Variants in SGCD observed in about 807,000 individuals in gnomAD.
SGCD encodes delta-sarcoglycan.
A neutral mutation model predicts 36.6 loss-of-function variants in SGCD; 18 were observed. That is an observed-to-expected ratio of 0.49 (90% CI 0.34 to 0.73). The LOEUF is 0.73. SGCD is among the 30% of genes least tolerant of loss of function. The pLI, the probability that SGCD is intolerant of heterozygous loss-of-function variation, is 0.01. For synonymous variants in SGCD, 133 were observed against 130.6 expected, an observed-to-expected ratio of 1.02 and a Z score of -0.12; for missense variants, 387 against 346.7, an observed-to-expected ratio of 1.12 and a Z score of -0.92.
chr5:156,387,161 A>G (rs570043280), intron 3 of SGCD, among the ~76,000 whole-genome samples: 2 of 152,284 alleles, frequency 1.3e-5, no homozygotes, highest in Admixed American at 6.5e-5. Context: ...TGAAGTGGGT[A>G]ACACAGAAGC....
At chr5:156,250,627 T>C (rs1297450335) in intron 3 of SGCD, among the ~76,000 whole-genome samples, 3 of 152,178 alleles carry the variant, frequency 2.0e-5, no homozygotes, top group Non-Finnish European at 4.4e-5. Context: ...CTGTTCCTTT[T>C]GTTTGTAATA....
intron 1 of SGCD, among the ~76,000 whole-genome samples, chr5:156,103,905 C>T (rs1391973644): frequency 6.6e-6 from 1 of 152,002 alleles, no homozygotes; most frequent in Non-Finnish European, 1.5e-5. Flanking sequence ...ATTAATATGG[C>T]CCTAATTGCT....
At chr5:155,874,871 A>G (rs1755733897) in intron 1 of SGCD, among the ~76,000 whole-genome samples, 1 of 151,658 alleles carries the variant, frequency 6.6e-6, no homozygotes, top group Non-Finnish European at 1.5e-5. Flanking sequence ...CGAAGAAGTT[A>G]AACTTAAAAT....
At chr5:156,388,156 A>G (rs762113202) in intron 3 of SGCD, among the ~76,000 whole-genome samples, 2 of 152,202 alleles carry the variant, frequency 1.3e-5, no homozygotes, top group African/African-American at 2.4e-5. Context: ...TGTTGACACC[A>G]CCACCAACCT....
chr5:156,580,389 T>G (rs998091216), intron 4 of SGCD, among the ~76,000 whole-genome samples: 1 of 152,204 alleles, frequency 6.6e-6, no homozygotes, highest in Non-Finnish European at 1.5e-5. Flanking sequence ...CAATTATGTG[T>G]CTTGGGGTTG....
intron 3 of SGCD, among the ~76,000 whole-genome samples, chr5:156,378,620 A>T (rs1356664208): frequency 6.6e-6 from 1 of 152,162 alleles, no homozygotes; most frequent in East Asian, 1.9e-4. Flanking sequence ...ACTTTCTGAT[A>T]TAAGCCAACT....
chr5:156,551,952 T>A (rs975060988), intron 4 of SGCD, among the ~76,000 whole-genome samples: 3 of 151,960 alleles, frequency 2.0e-5, no homozygotes, highest in African/African-American at 4.8e-5. Context: ...AAAAATGGGG[T>A]TCTTGTTTAT....
intron 3 of SGCD, among the ~76,000 whole-genome samples, chr5:156,224,728 T>G (rs405179): frequency 0.31 from 47,673 of 151,994 alleles, 7,932 homozygotes; most frequent in Non-Finnish European, 0.35. Flanking sequence ...CTCACACAAT[T>G]TCTTTTAATC....
intron 6 of SGCD, among the ~76,000 whole-genome samples, chr5:156,631,690 A>G (rs192405346): frequency 1.3e-4 from 20 of 152,100 alleles, no homozygotes; most frequent in African/African-American, 4.8e-4. Flanking sequence ...TTAGAAGAAC[A>G]CCTTTTAGCG....
At chr5:156,605,915 G>T (rs554974903) in intron 6 of SGCD, among the ~76,000 whole-genome samples, 5 of 152,092 alleles carry the variant, frequency 3.3e-5, no homozygotes, top group Admixed American at 6.6e-5. Context: ...TCGTAAATTT[G>T]TTGGAGTTCA....
chr5:155,734,031 A>G, the SGCD span, among the ~76,000 whole-genome samples: 3 of 150,190 alleles, frequency 2.0e-5, no homozygotes, highest in Non-Finnish European at 4.4e-5. Context: ...TGGCCAGTTC[A>G]CACAGATTCT....
intron 3 of SGCD, among the ~76,000 whole-genome samples, chr5:156,392,495 G>C (rs1318621099): frequency 6.6e-6 from 1 of 152,180 alleles, no homozygotes; most frequent in African/African-American, 2.4e-5. Context: ...GTGTCTAGGG[G>C]TGAATGTTTA....
intron 3 of SGCD, among the ~76,000 whole-genome samples, chr5:156,188,032 G>A (rs1046231528): frequency 1.3e-5 from 2 of 152,160 alleles, no homozygotes; most frequent in African/African-American, 2.4e-5. Flanking sequence ...CAAGGAGGCT[G>A]TCATGTTCGG....
chr5:155,782,613 G>C, the SGCD span, among the ~76,000 whole-genome samples: 56 of 152,228 alleles, frequency 3.7e-4, no homozygotes, highest in Admixed American at 1.7e-3. Context: ...AAGGCAGGGG[G>C]TCTCTAAAAC....
intron 6 of SGCD, among the ~76,000 whole-genome samples, chr5:156,617,132 A>G (rs1166227537): frequency 2.0e-5 from 3 of 152,218 alleles, no homozygotes; most frequent in African/African-American, 7.2e-5. Flanking sequence ...TTTGTCTCAT[A>G]GACTTAGAAT....
At chr5:156,741,075 A>G (rs1407057259) in intron 7 of SGCD, among the ~76,000 whole-genome samples, 1 of 152,170 alleles carries the variant, frequency 6.6e-6, no homozygotes, top group East Asian at 1.9e-4. Context: ...TATTTCAGCT[A>G]CCACATATAT....
At chr5:156,631,864 T>G (rs992314512) in intron 6 of SGCD, among the ~76,000 whole-genome samples, 2 of 152,192 alleles carry the variant, frequency 1.3e-5, no homozygotes, top group African/African-American at 4.8e-5. Context: ...CAGTTCTTCC[T>G]GCTTTAGTGA....
In SGCD at chr5:156,723,801, C is replaced by T. The variant is rs115938704; in HGVS notation, c.576-33780C>T. On this transcript the variant is annotated intron_variant, in intron 7 of 8. Transcript: ENST00000337851. ...GCTTGTGGGCCATGTTAAGTTTTTT[C>T]ACTTGTTAGCTGATGAGCAGTGAGA... Among the ~76,000 whole-genome samples the T allele has an allele frequency of 6.7e-3, 1,016 of 152,086 alleles. 13 individuals are homozygous for T. Among genetic ancestry groups the T allele is most frequent in the African/African-American group, 0.023 (972 of 41,462 alleles).
chr5:156,405,120 G>A (rs938979939), intron 3 of SGCD, among the ~76,000 whole-genome samples: 2 of 152,228 alleles, frequency 1.3e-5, no homozygotes, highest in East Asian at 3.9e-4. Context: ...GACACACATG[G>A]CAAAGAACTG....
Sources: allele counts gnomAD v4.1 joint callset (sites outside exome capture counted in the v4.1 genomes callset), GRCh38; gene constraint gnomAD v4.1.1; transcripts MANE v1.5; gene names NCBI Gene and HGNC (gene_info 2026-07-23, HGNC 2026-07-21).